GRIA3: variants seen among roughly 807,000 people sequenced by gnomAD.
GRIA3 encodes glutamate receptor 3.
GRIA3 carries 3 observed loss-of-function variants against 63.0 expected under a neutral mutation model. The observed-to-expected ratio is 0.05, with a 90% confidence interval of 0.02 to 0.12. The LOEUF (loss-of-function observed/expected upper bound fraction) is 0.12. Among genes scored for constraint, GRIA3 ranks in the 10% least tolerant of loss-of-function variants. GRIA3 has a pLI of 1.00. For synonymous variants in GRIA3, 274 were observed against 257.9 expected (o/e 1.06, Z -0.60); for missense variants, 347 against 700.9 (o/e 0.50, Z 5.70).
intron 4 of GRIA3, among the ~76,000 whole-genome samples, chrX:123,339,787 A>G (rs1218173621): frequency 5.3e-5 from 6 of 112,758 alleles, no homozygotes; most frequent in African/African-American, 9.7e-5. Context: ...CTCAGATGTC[A>G]TAAGACAGAA....
At chrX:123,268,502 A>C (rs1388769853) in intron 3 of GRIA3, among the ~76,000 whole-genome samples, 1 of 109,691 alleles carries the variant, frequency 9.1e-6, no homozygotes, top group Non-Finnish European at 1.9e-5. Context: ...AATAATATAA[A>C]TATGTCATGG....
At chrX:123,454,260 A>C (rs1361658719) in intron 12 of GRIA3, among the ~76,000 whole-genome samples, 1 of 110,860 alleles carries the variant, frequency 9.0e-6, no homozygotes, top group Non-Finnish European at 1.9e-5. Context: ...CAGATCCACC[A>C]CATACCAGCT....
chrX:123,253,158 T>C, intron 2 of GRIA3, 145 bp from the exon 3 acceptor site: 1 of 593,545 alleles, frequency 1.7e-6, no homozygotes, highest in African/African-American at 2.2e-5. Flanking sequence ...CTTACTCTTC[T>C]CCTGTTGGGT....
At chrX:123,321,563 G>A (rs1274071750) in intron 3 of GRIA3, among the ~76,000 whole-genome samples, 1 of 112,031 alleles carries the variant, frequency 8.9e-6, no homozygotes, top group Non-Finnish European at 1.9e-5. Flanking sequence ...GTTCTTCTGT[G>A]TTTTCAGATG....
intron 12 of GRIA3, among the ~76,000 whole-genome samples, chrX:123,429,579 C>T (rs1478931621): frequency 3.6e-5 from 4 of 111,800 alleles, no homozygotes; most frequent in Non-Finnish European, 5.6e-5. Context: ...TCACATTTAT[C>T]GGGGCTAGAA....
At chrX:123,223,549 C>T (rs1460005337) in intron 2 of GRIA3, among the ~76,000 whole-genome samples, 1 of 112,473 alleles carries the variant, frequency 8.9e-6, no homozygotes, top group Non-Finnish European at 1.9e-5. Context: ...ATCAGCAATG[C>T]TTTTTCAGAA....
At chrX:123,311,000 CAAAAA>C (rs34433989) in intron 3 of GRIA3, among the ~76,000 whole-genome samples, 2 of 86,291 alleles carry the variant, frequency 2.3e-5, no homozygotes, top group Non-Finnish European at 2.3e-5. Context: ...GAGAATCTGT[CAAAAA>C]AAAAAAAAAA....
rs138221362 is a variant in GRIA3, at chrX:123,395,553, T to G, written c.912+424T>G. Among the ~76,000 whole-genome samples, 494 of 111,842 alleles carry G rather than the reference T, an allele frequency of 4.4e-3. 3 individuals carry two copies. Among genetic ancestry groups the G allele is most frequent in the African/African-American group, 0.015 (473 of 30,808 alleles). ...TTCCATGAATCTCAGTACACCCAAG[T>G]GAATTAGGGTCTAATAAAGAGTGTA... On this transcript the variant is annotated intron_variant, in intron 6 of 15. Coordinates refer to ENST00000620443, the MANE Select transcript of GRIA3 (RefSeq NM_007325.5).
intron 3 of GRIA3, among the ~76,000 whole-genome samples, chrX:123,296,877 T>C (rs1414357545): frequency 9.0e-6 from 1 of 111,663 alleles, no homozygotes; most frequent in Non-Finnish European, 1.9e-5. Context: ...CCTTGTTAAA[T>C]GAATGGTTGT....
intron 5 of GRIA3, among the ~76,000 whole-genome samples, chrX:123,365,143 T>A (rs766701634): frequency 8.9e-6 from 1 of 112,066 alleles, no homozygotes; most frequent in East Asian, 2.8e-4. Context: ...AGCAAGGTGA[T>A]GGATATGTGA....
intron 13 of GRIA3, among the ~76,000 whole-genome samples, chrX:123,474,942 G>A (rs1186971431): frequency 9.0e-6 from 1 of 111,172 alleles, no homozygotes; most frequent in Non-Finnish European, 1.9e-5. Flanking sequence ...GGATGGTAGA[G>A]ATAAGCAGAA....
intron 12 of GRIA3, among the ~76,000 whole-genome samples, chrX:123,433,518 A>G (rs1364780469): frequency 2.7e-5 from 3 of 111,864 alleles, no homozygotes; most frequent in Admixed American, 1.9e-4. Flanking sequence ...CTCTTTTTGT[A>G]TTAGTTTTGA....
At chrX:123,301,972 C>A (rs1351448665) in intron 3 of GRIA3, among the ~76,000 whole-genome samples, 1 of 111,814 alleles carries the variant, frequency 8.9e-6, no homozygotes. Flanking sequence ...ATGGCTTTGC[C>A]CAGTAATTTA....
chrX:123,349,694 A>T (rs1396399143), intron 4 of GRIA3, among the ~76,000 whole-genome samples: 2 of 112,406 alleles, frequency 1.8e-5, no homozygotes, highest in African/African-American at 3.2e-5. Flanking sequence ...TCTCTGCCTC[A>T]CTAATCCAGC....
rs763797986 is a variant in GRIA3 at position 123,283,255 on chromosome X, C to T, written c.508+29713C>T. 3.6e-5 allele frequency among the ~76,000 whole-genome samples: 4 copies of T among 111,974 alleles called. No homozygotes were observed. In the East Asian group the frequency reaches 8.5e-4, roughly 24 times the overall value. ...CCCACAGTCTTCACAATCCATACAC[C>T]AGGAGATTCCCTCGGGTGCCTATGC... On this transcript the variant is annotated intron_variant, in intron 3 of 15. Coordinates refer to ENST00000620443, the MANE Select transcript of GRIA3 (RefSeq NM_007325.5).
At chrX:123,283,472 G>A (rs2044598806) in intron 3 of GRIA3, among the ~76,000 whole-genome samples, 1 of 111,705 alleles carries the variant, frequency 9.0e-6, no homozygotes, top group African/African-American at 3.3e-5. Context: ...CCCTCATGGA[G>A]CCCAGCAAGC....
At chrX:123,436,732 C>G (rs1309529805) in intron 12 of GRIA3, among the ~76,000 whole-genome samples, 1 of 111,857 alleles carries the variant, frequency 8.9e-6, no homozygotes. Flanking sequence ...GGGTAATTAA[C>G]ATCACACAGG....
intron 3 of GRIA3, among the ~76,000 whole-genome samples, chrX:123,266,488 C>T (rs1411559800): frequency 4.5e-5 from 5 of 111,375 alleles, no homozygotes; most frequent in South Asian, 3.8e-4. Flanking sequence ...CAAAGACCTT[C>T]GTCTACGTTT....
chrX:123,222,328 C>T, intron 2 of GRIA3, among the ~76,000 whole-genome samples: 1 of 112,301 alleles, frequency 8.9e-6, no homozygotes, highest in Non-Finnish European at 1.9e-5. Flanking sequence ...ATGTGTATAA[C>T]AGTATGTCCT....
Sources: gnomAD v4.1 joint callset for allele counts (sites outside exome capture counted in the v4.1 genomes callset) on GRCh38, gnomAD v4.1.1 for gene constraint, MANE v1.5 for transcripts, NCBI Gene and HGNC (gene_info 2026-07-23, HGNC 2026-07-21) for gene names.